ZNF208: variants seen among roughly 807,000 people sequenced by gnomAD.
ZNF208 encodes zinc finger protein 208.
In ZNF208, 10 loss-of-function variants were observed where a neutral mutation model predicts 12.1. The observed-to-expected ratio is 0.83, with a 90% CI of 0.51 to 1.40. ZNF208 has a LOEUF of 1.40. Ranked by LOEUF, ZNF208 falls within the 40% of genes most tolerant of loss-of-function variation. ZNF208 has a pLI of 0.00. For missense variants in ZNF208, 1,652 were observed against 1,485.0 expected (o/e 1.11, Z -1.85); for synonymous variants, 497 against 488.4 (o/e 1.02, Z -0.23).
rs879149203 is a variant in ZNF208 at position 21,971,504 on chromosome 19, C to T, written c.3530G>A (p.Gly1177Asp). The T allele has an allele frequency of 1.9e-6, 3 of 1,604,908 alleles. No homozygotes were observed. Among genetic ancestry groups the T allele is most frequent in the African/African-American group, 2.8e-5 (2 of 72,590 alleles). Reference protein sequence around the residue: ...KPYKCEECGKGFVMFSILAKH... With the variant: ...KPYKCEECGKDFVMFSILAKH... ...TGCAAGGATTGAGAACATAACAAAG[C>T]CTTTGCCACATTCTTCACATTTGTA... Residue 1177 changes from glycine to aspartate, a missense_variant, in exon 4 of 4, where the codon GGC becomes GAC. Around this residue, in one of 3 missense-constraint regions of ZNF208, gnomAD observed 1,239 missense variants for 1,086.2 expected, o/e 1.14. Coordinates refer to ENST00000397126, the MANE Select transcript of ZNF208 (RefSeq NM_007153.3).
chr19:21,947,425 T>A (rs2145513111), intron 4 of ZNF208, among the ~76,000 whole-genome samples: 1 of 152,310 alleles, frequency 6.6e-6, no homozygotes, highest in African/African-American at 2.4e-5. Context: ...CCTAAAAATA[T>A]AAAGTTGGAG....
At chr19:21,960,308 A>G (rs1245665824) in intron 4 of ZNF208, among the ~76,000 whole-genome samples, 2 of 152,160 alleles carry the variant, frequency 1.3e-5, no homozygotes, top group African/African-American at 4.8e-5. Flanking sequence ...TATTAACCAA[A>G]AGAAGGCATA....
intron 3 of ZNF208, among the ~76,000 whole-genome samples, chr19:21,983,088 G>T (rs979214164): frequency 2.6e-5 from 4 of 152,020 alleles, no homozygotes; most frequent in Non-Finnish European, 4.4e-5. Flanking sequence ...CCTACAGAAT[G>T]GGAGAAAAAT....
intron 4 of ZNF208, among the ~76,000 whole-genome samples, chr19:21,951,589 G>A (rs1428380281): frequency 6.6e-6 from 1 of 152,172 alleles, no homozygotes; most frequent in Non-Finnish European, 1.5e-5. Flanking sequence ...AGCATTTAAT[G>A]AAAGCACAAC....
At chr19:22,003,193 A>G (rs1970984453) in intron 1 of ZNF208, among the ~76,000 whole-genome samples, 1 of 152,226 alleles carries the variant, frequency 6.6e-6, no homozygotes, top group Non-Finnish European at 1.5e-5. Context: ...CAAGGTAAAT[A>G]AAAGACTTAA....
In ZNF208 at chr19:21,987,282, T is replaced by G. The variant is rs1970644269; in HGVS notation, c.160A>C (p.Ile54Leu). The G allele has an allele frequency of 6.2e-7, 1 of 1,612,492 alleles. No individual in the cohort carries two copies. The highest frequency in any genetic ancestry group is 1.3e-5 in the African/African-American group (1 of 74,810). Residue 54 changes from isoleucine to leucine, a missense_variant, in exon 3 of 4, where the codon ATT (isoleucine) becomes CTT (leucine). Physicochemically the swap from Ile to Leu is conservative, Grantham distance 5. Coordinates refer to ENST00000397126, the MANE Select transcript of ZNF208 (RefSeq NM_007153.3). ...GACTCTTTTCCTTCCTCCAGAAAAA[T>G]GATCAGGTCTGGCTTAAAGGCAGCA... ...GIAAFKPDLI[I>L]FLEEGKESWN...
intron 1 of ZNF208, among the ~76,000 whole-genome samples, chr19:22,009,329 ACTTGAGGTC>A (rs1237783885): frequency 3.2e-4 from 48 of 152,204 alleles, no homozygotes; most frequent in Admixed American, 3.3e-4. Flanking sequence ...TGGCAGATAG[ACTTGAGGTC>A]CTGCTTGGGA....
At chr19:21,960,693 T>C (rs1427144128) in intron 4 of ZNF208, among the ~76,000 whole-genome samples, 1 of 152,116 alleles carries the variant, frequency 6.6e-6, no homozygotes, top group Admixed American at 6.6e-5. Flanking sequence ...GACCAGTCAG[T>C]ATATTGTAGC....
chr19:21,971,136 T>C lies in ZNF208; in HGVS notation c.*55A>G. ...GGTTTCTCTCCAGTATGAATTTTCT[T>C]ATGATAACTAAGGGTTGAGGGCCAC... On this transcript the variant is annotated 3_prime_UTR_variant, in exon 4 of 4. Coordinates refer to ENST00000397126, the MANE Select transcript of ZNF208 (RefSeq NM_007153.3). 2 of 1,612,776 alleles carry C rather than the reference T, an allele frequency of 1.2e-6. No individual in the cohort carries two copies. The highest frequency in any genetic ancestry group is 1.3e-5 in the African/African-American group (1 of 74,868).
chr19:22,001,666 A>G (rs1381194272), intron 1 of ZNF208, among the ~76,000 whole-genome samples: 1 of 151,962 alleles, frequency 6.6e-6, no homozygotes, highest in East Asian at 2.0e-4. Flanking sequence ...AAGGTGGGCC[A>G]ATTTCCTGAG....
chr19:21,962,777 C>T (rs1418467047), downstream of ZNF208, among the ~76,000 whole-genome samples: 1 of 151,990 alleles, frequency 6.6e-6, no homozygotes, highest in Non-Finnish European at 1.5e-5. Flanking sequence ...GCAAAATAAG[C>T]AGATGCATCA....
intron 4 of ZNF208, among the ~76,000 whole-genome samples, chr19:21,954,239 G>A (rs1309834762): frequency 1.3e-5 from 2 of 152,184 alleles, no homozygotes; most frequent in Non-Finnish European, 1.5e-5. Context: ...TTGCTGAGGA[G>A]TGCTTTACTT....
At chr19:21,950,346 C>G (rs185703935) in intron 4 of ZNF208, among the ~76,000 whole-genome samples, 21 of 152,168 alleles carry the variant, frequency 1.4e-4, no homozygotes, top group Admixed American at 5.2e-4. Context: ...AACAAAAAAG[C>G]CACCATAAAT....
At chr19:21,950,735 T>C (rs1969876406) in intron 4 of ZNF208, among the ~76,000 whole-genome samples, 1 of 152,112 alleles carries the variant, frequency 6.6e-6, no homozygotes, top group African/African-American at 2.4e-5. Flanking sequence ...CCTCAGGTGA[T>C]CCACCCGCCT....
At chr19:21,991,901 CAGA>C (rs1261329831) in intron 1 of ZNF208, among the ~76,000 whole-genome samples, 1 of 151,032 alleles carries the variant, frequency 6.6e-6, no homozygotes, top group Non-Finnish European at 1.5e-5. Flanking sequence ...TTTTTTTTTC[CAGA>C]AGATCTGAGA....
chr19:21,958,048 A>C (rs915409811), intron 4 of ZNF208, among the ~76,000 whole-genome samples: 1 of 151,208 alleles, frequency 6.6e-6, no homozygotes, highest in African/African-American at 2.4e-5. Context: ...ATGTGTTCTT[A>C]TTGTTCAATT....
downstream of ZNF208, among the ~76,000 whole-genome samples, chr19:21,964,641 G>A (rs573414839): frequency 6.6e-6 from 1 of 151,734 alleles, no homozygotes; most frequent in East Asian, 1.9e-4. Context: ...ACAGCCACTA[G>A]TTTTAACTTA....
chr19:21,986,626 C>T (rs1970632163), intron 3 of ZNF208: 1 of 158,398 alleles, frequency 6.3e-6, no homozygotes, highest in East Asian at 1.8e-4. Context: ...GTGTTTTTTT[C>T]ACAGTAATGA....
chr19:21,988,785 A>AG lies in ZNF208; in HGVS notation c.127dup (p.Leu43ProfsTer7). ...TTGCGTATTAAAGTTATTCTCACCC[A>AG]GGAAGACCAGGTTTCTGTAGTTCTC... On this transcript the variant is annotated frameshift_variant, in exon 2 of 4. Coordinates refer to ENST00000397126, the MANE Select transcript of ZNF208 (RefSeq NM_007153.3). LOFTEE classifies it high-confidence loss of function. The AG allele has an allele frequency of 6.2e-7, 1 of 1,614,134 alleles. No homozygotes were observed. Among genetic ancestry groups the AG allele is most frequent in the Non-Finnish European group, 8.5e-7 (1 of 1,179,972 alleles).
Sources: allele counts gnomAD v4.1 joint callset (sites outside exome capture counted in the v4.1 genomes callset), GRCh38; gene constraint gnomAD v4.1.1; regional missense constraint gnomAD v4.1.1; transcripts MANE v1.5; gene names NCBI Gene and HGNC (gene_info 2026-07-23, HGNC 2026-07-21).